Variants in ERBB4 observed in about 807,000 individuals in gnomAD.
ERBB4 encodes the protein receptor tyrosine-protein kinase erbB-4.
Under a neutral mutation model 158.0 loss-of-function variants are expected in ERBB4, and 42 were observed. The observed-to-expected ratio is 0.27, with a 90% CI of 0.21 to 0.34. The LOEUF (loss-of-function observed/expected upper bound fraction) is 0.34, where lower values mean the gene tolerates loss of function less well. Among genes scored for constraint, ERBB4 ranks in the 10% least tolerant of loss-of-function variants. The pLI is 1.00. For synonymous variants in ERBB4, 583 were observed against 558.7 expected, an observed-to-expected ratio of 1.04 and a Z score of -0.61; for missense variants, 1,333 against 1,624.1, an observed-to-expected ratio of 0.82 and a Z score of 3.08.
chr2:211,992,567 G>A (rs56179504), intron 2 of ERBB4, among the ~76,000 whole-genome samples: 55,933 of 124,662 alleles, frequency 0.45, 13,474 homozygotes, highest in Non-Finnish European at 0.57. Context: ...GAGAGAGAGA[G>A]AAAAAAAAAA....
At chr2:212,354,252 C>A (rs2089376846) in intron 1 of ERBB4, among the ~76,000 whole-genome samples, 1 of 152,028 alleles carries the variant, frequency 6.6e-6, no homozygotes, top group Non-Finnish European at 1.5e-5. Flanking sequence ...AGGTAAATGT[C>A]TACAGTCAGG....
At chr2:212,014,258 T>A (rs2076457056) in intron 2 of ERBB4, among the ~76,000 whole-genome samples, 1 of 152,152 alleles carries the variant, frequency 6.6e-6, no homozygotes. Context: ...CTCTCTGGGA[T>A]CTCCCCAGAA....
At chr2:212,072,101 A>G (rs892053618) in intron 2 of ERBB4, among the ~76,000 whole-genome samples, 2 of 151,998 alleles carry the variant, frequency 1.3e-5, no homozygotes. Flanking sequence ...CTTTGTCCAT[A>G]GTATTTTTCT....
intron 1 of ERBB4, among the ~76,000 whole-genome samples, chr2:212,362,910 C>A (rs771095677): frequency 2.0e-5 from 3 of 151,040 alleles, no homozygotes; most frequent in Non-Finnish European, 3.0e-5. Context: ...TTACTTACAG[C>A]CTAATTTTTA....
At chr2:212,291,075 A>G (rs1332199990) in intron 1 of ERBB4, among the ~76,000 whole-genome samples, 3 of 152,246 alleles carry the variant, frequency 2.0e-5, no homozygotes, top group African/African-American at 7.2e-5. Flanking sequence ...ACATTGCCCA[A>G]TAAAGTAGGG....
At chr2:212,008,361 T>C (rs2076303616) in intron 2 of ERBB4, among the ~76,000 whole-genome samples, 1 of 152,078 alleles carries the variant, frequency 6.6e-6, no homozygotes, top group African/African-American at 2.4e-5. Context: ...TTGTTTCTGA[T>C]AGAAACAAAT....
chr2:211,539,633 T>G (rs1574704496), intron 20 of ERBB4, among the ~76,000 whole-genome samples: 1 of 151,966 alleles, frequency 6.6e-6, no homozygotes, highest in African/African-American at 2.4e-5. Context: ...CTGGAAAGGG[T>G]AGCTCATTTG....
intron 1 of ERBB4, among the ~76,000 whole-genome samples, chr2:212,331,794 T>A (rs1216029775): frequency 6.6e-6 from 1 of 152,040 alleles, no homozygotes; most frequent in East Asian, 1.9e-4. Flanking sequence ...ACATAGTTTT[T>A]TTGGTCATTT....
intron 3 of ERBB4, among the ~76,000 whole-genome samples, chr2:211,802,707 G>A (rs1453593296): frequency 2.0e-5 from 3 of 152,160 alleles, no homozygotes; most frequent in Non-Finnish European, 4.4e-5. Context: ...TGCAACTGAA[G>A]GAAGCTTAAG....
rs536120170 is a variant in ERBB4 at position 211,684,974 on chromosome 2, C to T, written c.1490-5790G>A. Among the ~76,000 whole-genome samples the T allele has an allele frequency of 1.2e-4, 19 of 152,272 alleles. 1 individual carries two copies. In the South Asian group the frequency reaches 3.7e-3, roughly 30 times the overall value. ...ATTAAACTGTTTCTCTGCTGCAAACCCTGCTGTCTCAGAATATTTGTATAT... is the reference window on the plus strand; with the variant it reads ...ATTAAACTGTTTCTCTGCTGCAAACTCTGCTGTCTCAGAATATTTGTATAT... On this transcript the variant is annotated intron_variant, in intron 12 of 27. Transcript: ENST00000342788.
chr2:212,287,720 T>A (rs1351132161), intron 1 of ERBB4, among the ~76,000 whole-genome samples: 1 of 152,140 alleles, frequency 6.6e-6, no homozygotes, highest in African/African-American at 2.4e-5. Context: ...AAAGACTGCC[T>A]AAGAATTAGG....
chr2:212,284,328 GTCTAATTAGCTCTTGATAGA>G (rs1241494521), intron 1 of ERBB4, among the ~76,000 whole-genome samples: 5 of 151,960 alleles, frequency 3.3e-5, no homozygotes, highest in African/African-American at 1.2e-4. Context: ...TCTGAACTCT[GTCTAATTAGCTCTTGATAGA>G]TCTGCTGCCC....
chr2:212,090,200 C>G (rs1233623971), intron 2 of ERBB4, among the ~76,000 whole-genome samples: 5 of 149,804 alleles, frequency 3.3e-5, no homozygotes, highest in Non-Finnish European at 7.4e-5. Flanking sequence ...TACCAAATCT[C>G]CTCTAAAGAT....
chr2:212,437,031 G>A (rs577818921), intron 1 of ERBB4, among the ~76,000 whole-genome samples: 36 of 152,054 alleles, frequency 2.4e-4, no homozygotes, highest in African/African-American at 7.9e-4. Context: ...CCATGTAAAC[G>A]CCAAAGACTG....
chr2:211,987,715 T>C (rs2081974603), intron 2 of ERBB4, among the ~76,000 whole-genome samples: 1 of 152,178 alleles, frequency 6.6e-6, no homozygotes, highest in African/African-American at 2.4e-5. Context: ...AAAATGCAAT[T>C]GTTTCTCATT....
intron 2 of ERBB4, among the ~76,000 whole-genome samples, chr2:212,034,281 C>T (rs1328392502): frequency 1.3e-5 from 2 of 151,864 alleles, no homozygotes; most frequent in African/African-American, 4.8e-5. Context: ...TGTGTGAAAG[C>T]AGACAATTAG....
intron 9 of ERBB4, among the ~76,000 whole-genome samples, chr2:211,709,910 T>C (rs2073627378): frequency 6.6e-6 from 1 of 152,146 alleles, no homozygotes; most frequent in Non-Finnish European, 1.5e-5. Flanking sequence ...TGGTCAGCTG[T>C]TCCTCTGCTT....
chr2:212,018,456 T>C (rs1008140058), intron 2 of ERBB4, among the ~76,000 whole-genome samples: 9 of 152,160 alleles, frequency 5.9e-5, no homozygotes, highest in African/African-American at 1.9e-4. Flanking sequence ...TATTCTACCT[T>C]GATGTATTTG....
intron 3 of ERBB4, among the ~76,000 whole-genome samples, chr2:211,887,295 C>T (rs1050399548): frequency 5.5e-5 from 8 of 144,502 alleles, no homozygotes; most frequent in African/African-American, 1.5e-4. Context: ...AGAGAAACAA[C>T]AGGAAAAAAA....
Sources: gnomAD v4.1 joint callset for allele counts (sites outside exome capture counted in the v4.1 genomes callset) on GRCh38, gnomAD v4.1.1 for gene constraint, MANE v1.5 for transcripts, NCBI Gene and HGNC (gene_info 2026-07-23, HGNC 2026-07-21) for gene names.